TMOD1: variants seen among roughly 807,000 people sequenced by gnomAD.
The protein encoded by TMOD1 is tropomodulin-1.
Under a neutral mutation model 40.6 loss-of-function variants are expected in TMOD1, and 17 were observed. That is an observed-to-expected ratio of 0.42 (90% confidence interval 0.29 to 0.63). The LOEUF (loss-of-function observed/expected upper bound fraction) is 0.63. Ranked by LOEUF, TMOD1 falls within the 20% of genes least tolerant of loss-of-function variation. The probability of loss-of-function intolerance (pLI) is 0.22; values close to 1 mark genes in which losing one functional copy is unlikely to be tolerated. For synonymous variants in TMOD1, 181 were observed against 175.0 expected (o/e 1.03, Z -0.27); for missense variants, 391 against 447.6 (o/e 0.87, Z 1.14).
chr9:97,512,972 C>T (rs1829729187), intron 1 of TMOD1: 1 of 152,172 alleles, frequency 6.6e-6, no homozygotes, highest in Non-Finnish European at 1.5e-5. Flanking sequence ...ATAATTACCA[C>T]CCACCCCCCA....
At chr9:97,556,647 G>A (rs1256274492) in intron 4 of TMOD1, among the ~76,000 whole-genome samples, 1 of 152,162 alleles carries the variant, frequency 6.6e-6, no homozygotes, top group African/African-American at 2.4e-5. Context: ...AGAATGGTAA[G>A]AAAACAGCCC....
rs770043551 is a variant in TMOD1 at position 97,591,236 on chromosome 9, C to T, written c.871-55C>T. 224 of 1,527,340 alleles carry T rather than the reference C, an allele frequency of 1.5e-4. 1 individual carries two copies. Among genetic ancestry groups the T allele is most frequent in the Non-Finnish European group, 1.8e-4 (201 of 1,134,972 alleles). The allele number at this position is 1,527,340 out of a possible 1,614,324, so 94.6% of individuals were successfully genotyped here. ...AGGTAGAGGTGGTTTAGGCACTGTACACATGGAATGAGTGGTGATTTTATT... is the reference window on the plus strand; with the variant it reads ...AGGTAGAGGTGGTTTAGGCACTGTATACATGGAATGAGTGGTGATTTTATT... On this transcript the variant is annotated intron_variant, in intron 8 of 9. Coordinates refer to ENST00000259365, the MANE Select transcript of TMOD1 (RefSeq NM_003275.4).
chr9:97,514,267 T>G (rs1056551905), intron 1 of TMOD1, among the ~76,000 whole-genome samples: 2 of 140,892 alleles, frequency 1.4e-5, no homozygotes, highest in Non-Finnish European at 3.1e-5. Flanking sequence ...TTTCTTTTTT[T>G]TCTTTTTCTT....
rs755685627 is a variant in TMOD1, at chr9:97,564,164, T to A, written c.614T>A (p.Ile205Asn). 9.4e-6 allele frequency: 15 copies of A among 1,595,292 alleles called. No individual in the cohort carries two copies. The South Asian group carries it at 1.7e-4, about 18-fold the overall frequency. Residue 205 changes from isoleucine (I) to asparagine (N), a missense_variant, in exon 6 of 10, where the codon ATC becomes AAC. By Grantham distance (149) the Ile-to-Asn change is moderately radical. Transcript: ENST00000259365. ...PKLEEVNLNN[I>N]RNIPIPTLKA... ...CTTGAAGAAGTTAACCTCAATAATA[T>A]CCGGGTAAGGTCCATTTATTTCACT...
chr9:97,521,093 C>A (rs1225963381), intron 1 of TMOD1, among the ~76,000 whole-genome samples: 1 of 152,212 alleles, frequency 6.6e-6, no homozygotes, highest in Non-Finnish European at 1.5e-5. Flanking sequence ...TGTTTCCCAG[C>A]TGGTCCTGTC....
intron 3 of TMOD1, among the ~76,000 whole-genome samples, chr9:97,551,010 ATATATTTTTTTTT>A (rs1307668585): frequency 1.2e-3 from 49 of 42,202 alleles, no homozygotes; most frequent in African/African-American, 7.6e-3. Context: ...ATATATATAT[ATATATTTTTTTTT>A]TTTTTTTTTT....
intron 2 of TMOD1, among the ~76,000 whole-genome samples, chr9:97,529,657 G>A (rs922774304): frequency 3.9e-5 from 6 of 152,128 alleles, no homozygotes; most frequent in African/African-American, 1.2e-4. Context: ...AAAAGTATCC[G>A]CTGTTGACTG....
chr9:97,556,592 ACAGT>A (rs1221494012), intron 4 of TMOD1, among the ~76,000 whole-genome samples: 1 of 152,206 alleles, frequency 6.6e-6, no homozygotes, highest in Non-Finnish European at 1.5e-5. Context: ...ACTCACACAC[ACAGT>A]CAGTGCTGTC....
chr9:97,564,517 A>G (rs1285792620), intron 6 of TMOD1, among the ~76,000 whole-genome samples: 2 of 152,166 alleles, frequency 1.3e-5, no homozygotes, highest in East Asian at 1.9e-4. Context: ...ACGCTGCTGC[A>G]TGGGATCTCA....
In TMOD1 at chr9:97,557,412, G is replaced by A. The variant is rs1830552944; in HGVS notation, c.397+4012G>A. On this transcript the variant is annotated intron_variant, in intron 4 of 9. Coordinates refer to ENST00000259365, the MANE Select transcript of TMOD1 (RefSeq NM_003275.4). The surrounding 1 kb of genome is among the most constrained non-coding windows in gnomAD (Gnocchi z 4.4). ...GGGCAGAACCCAGGAAGGAAGTGGGGTAGGGAGACTCATCGTTTAGATGGG... is the reference window on the plus strand; with the variant it reads ...GGGCAGAACCCAGGAAGGAAGTGGGATAGGGAGACTCATCGTTTAGATGGG... 6.6e-6 allele frequency among the ~76,000 whole-genome samples: 1 copy of A among 152,128 alleles called. No individual in the cohort carries two copies. The highest frequency in any genetic ancestry group is 2.4e-5 in the African/African-American group (1 of 41,436).
intron 4 of TMOD1, among the ~76,000 whole-genome samples, chr9:97,558,504 C>T (rs1458250442): frequency 6.6e-6 from 1 of 152,054 alleles, no homozygotes; most frequent in Non-Finnish European, 1.5e-5. Flanking sequence ...AGTGCAGTGG[C>T]GTGATCTCGG....
chr9:97,551,779 C>T (rs1364265282), intron 3 of TMOD1, among the ~76,000 whole-genome samples: 2 of 152,176 alleles, frequency 1.3e-5, no homozygotes, highest in Non-Finnish European at 2.9e-5. Flanking sequence ...CTTTTGGTAG[C>T]ATTGCCATCT....
At chr9:97,584,687 G>A (rs1182641080) in intron 8 of TMOD1, among the ~76,000 whole-genome samples, 1 of 152,148 alleles carries the variant, frequency 6.6e-6, no homozygotes. Flanking sequence ...GGGTGCTCCT[G>A]TATTGGGTGC....
chr9:97,586,270 C>G (rs181573272), intron 8 of TMOD1, among the ~76,000 whole-genome samples: 35 of 152,300 alleles, frequency 2.3e-4, no homozygotes, highest in African/African-American at 7.5e-4. Context: ...TGCTGTGTGA[C>G]GTGTCAGTGT....
At chr9:97,522,954 C>T (rs1457452197) in intron 1 of TMOD1, among the ~76,000 whole-genome samples, 1 of 152,184 alleles carries the variant, frequency 6.6e-6, no homozygotes, top group Non-Finnish European at 1.5e-5. Flanking sequence ...CAATAGCGCT[C>T]GAGGTCCTGC....
intron 1 of TMOD1, among the ~76,000 whole-genome samples, chr9:97,520,763 T>C (rs73656822): frequency 0.01 from 1,545 of 152,250 alleles, 27 homozygotes; most frequent in African/African-American, 0.035. Flanking sequence ...TTTAGGAAAT[T>C]TCATGATTTG....
intron 6 of TMOD1, 74 bp downstream of exon 6, chr9:97,564,242 T>G (rs1176645854): frequency 3.3e-6 from 5 of 1,523,136 alleles, no homozygotes; most frequent in Non-Finnish European, 4.4e-6. Flanking sequence ...ATGCAAACGG[T>G]CCAGGGTTGG....
In TMOD1 at chr9:97,600,313, A is replaced by ATGAT. The variant is rs878986152; in HGVS notation, c.*616_*619dup. The stretch of plus-strand genomic sequence containing the variant: ...GATTCCTTTTGCTGGATATGCAGAA[A>ATGAT]TGATAGGAAAAAAACCAATGGTGAA... On this transcript the variant is annotated 3_prime_UTR_variant, in exon 10 of 10. Coordinates refer to ENST00000259365, the MANE Select transcript of TMOD1 (RefSeq NM_003275.4). 5.0e-5 allele frequency: 49 copies of ATGAT among 986,192 alleles called. No individual in the cohort carries two copies. Among genetic ancestry groups the ATGAT allele is most frequent in the Middle Eastern group, 5.2e-4 (1 of 1,914 alleles). 61.1% of individuals were successfully genotyped at this position (986,192 alleles called of 1,614,324 possible).
chr9:97,514,275 C>CTTTTTTTTTTTTTT (rs71369513), intron 1 of TMOD1, among the ~76,000 whole-genome samples: 7 of 121,802 alleles, frequency 5.7e-5, no homozygotes, highest in South Asian at 2.7e-4. Context: ...TTTTCTTTTT[C>CTTTTTTTTTTTTTT]TTTTTTTTTT....
Sources: allele counts gnomAD v4.1 joint callset (sites outside exome capture counted in the v4.1 genomes callset), GRCh38; gene constraint gnomAD v4.1.1; non-coding constraint Gnocchi (gnomAD v3.1); transcripts MANE v1.5; gene names NCBI Gene and HGNC (gene_info 2026-07-23, HGNC 2026-07-21).